ARMC8: variants seen among roughly 807,000 people sequenced by gnomAD.
The protein encoded by ARMC8 is armadillo repeat-containing protein 8.
ARMC8 carries 20 observed loss-of-function variants against 99.3 expected under a neutral mutation model. The observed-to-expected ratio is 0.20, with a 90% CI of 0.14 to 0.29. The LOEUF is 0.29. Among genes scored for constraint, ARMC8 ranks in the 10% least tolerant of loss-of-function variants. The pLI, the probability that ARMC8 is intolerant of heterozygous loss-of-function variation, is 1.00. For synonymous variants in ARMC8, 263 were observed against 278.3 expected (o/e 0.95, Z 0.55); for missense variants, 569 against 809.5 (o/e 0.70, Z 3.60).
Position 138,223,369 on chromosome 3 carries a change from A to C in ARMC8, c.195-20A>C. The C allele has an allele frequency of 6.2e-7, 1 of 1,611,470 alleles. No homozygotes were observed. Among genetic ancestry groups the C allele is most frequent in the East Asian group, 2.2e-5 (1 of 44,826 alleles). On this transcript the variant is annotated intron_variant, in intron 3 of 21. Transcript: ENST00000469044. ...TTTAAATTTTTTAGTCTCTTCGTTTATTAAGTTCCTTCTTTTTAGATTGTT... is the reference window on the plus strand; with the variant it reads ...TTTAAATTTTTTAGTCTCTTCGTTTCTTAAGTTCCTTCTTTTTAGATTGTT...
rs188192343 is a variant in ARMC8 at position 138,271,226 on chromosome 3, C to G, written c.1479+1094C>G. Reference sequence around the variant, plus strand: ...ACTTTGCACAGCTTTTAGCACTTCTCTTTCTTGAAACTCCTTCCCAGGACT... The same window carrying G: ...ACTTTGCACAGCTTTTAGCACTTCTGTTTCTTGAAACTCCTTCCCAGGACT... On this transcript the variant is annotated intron_variant, in intron 16 of 21. Coordinates refer to ENST00000469044, the MANE Select transcript of ARMC8 (RefSeq NM_001363941.2). 4.1e-4 allele frequency among the ~76,000 whole-genome samples: 63 copies of G among 152,282 alleles called. 1 individual carries two copies. The highest frequency in any genetic ancestry group is 1.3e-3 in the Admixed American group (20 of 15,300).
At chr3:138,289,763 A>G (rs1414891429) in intron 20 of ARMC8, among the ~76,000 whole-genome samples, 2 of 152,128 alleles carry the variant, frequency 1.3e-5, no homozygotes, top group African/African-American at 4.8e-5. Context: ...AGTGGGTCTC[A>G]AGGCTGGGTT....
At chr3:138,209,497 C>A (rs1209098261) in intron 1 of ARMC8, among the ~76,000 whole-genome samples, 1 of 152,136 alleles carries the variant, frequency 6.6e-6, no homozygotes, top group East Asian at 1.9e-4. Flanking sequence ...ATTTTCCAAA[C>A]TCTCCTGCTA....
chr3:138,218,153 C>T (rs879526847), intron 2 of ARMC8, among the ~76,000 whole-genome samples: 1 of 152,136 alleles, frequency 6.6e-6, no homozygotes, highest in Admixed American at 6.6e-5. Context: ...AGTCAAATAA[C>T]TAAAGAGACC....
At chr3:138,200,039 C>T (rs1479529611) in intron 1 of ARMC8, among the ~76,000 whole-genome samples, 4 of 152,186 alleles carry the variant, frequency 2.6e-5, no homozygotes, top group African/African-American at 9.7e-5. Context: ...CTATCAGACT[C>T]ACACACTCTG....
At position 138,267,139 on chromosome 3, in the gene ARMC8, T is replaced by G; in HGVS notation, c.1300-16T>G. ...TCATTCCAAATCATTAGTAGTATCC[T>G]TTTTTAATTCCATAGGTTTTACAAA... On this transcript the variant is annotated splice_polypyrimidine_tract_variant and intron_variant, in intron 14 of 21. Transcript: ENST00000469044. The G allele has an allele frequency of 1.4e-6, 2 of 1,420,626 alleles. No individual in the cohort carries two copies. Among genetic ancestry groups the G allele is most frequent in the Non-Finnish European group, 1.9e-6 (2 of 1,034,108 alleles). The allele number at this position is 1,420,626 out of a possible 1,614,324, so 88.0% of individuals were successfully genotyped here. A position where few individuals can be genotyped will look rare whatever the true frequency, so the allele number is the denominator to read the frequency against.
At chr3:138,262,336 T>C (rs902720991) in intron 12 of ARMC8, 2 of 601,054 alleles carry the variant, frequency 3.3e-6, no homozygotes, top group African/African-American at 1.9e-5. Context: ...GATCAATATG[T>C]AAATGTTTTG....
intron 12 of ARMC8, among the ~76,000 whole-genome samples, chr3:138,251,116 A>G (rs2047104297): frequency 6.6e-6 from 1 of 151,796 alleles, no homozygotes; most frequent in African/African-American, 2.4e-5. Context: ...ACACTGTCAC[A>G]CCACTGTACT....
chr3:138,220,237 CTT>C (rs2045317444), intron 2 of ARMC8, among the ~76,000 whole-genome samples: 1 of 152,220 alleles, frequency 6.6e-6, no homozygotes, highest in Non-Finnish European at 1.5e-5. Context: ...CTCTTACTAA[CTT>C]TAACTTTGCT....
intron 19 of ARMC8, among the ~76,000 whole-genome samples, chr3:138,285,477 C>T (rs1193965291): frequency 2.6e-5 from 4 of 152,182 alleles, no homozygotes; most frequent in Admixed American, 1.3e-4. Context: ...AAAAAGGCCA[C>T]GTTCTTTCCT....
intron 1 of ARMC8, among the ~76,000 whole-genome samples, chr3:138,201,485 CAG>C (rs1394328066): frequency 2.9e-5 from 2 of 68,376 alleles, no homozygotes; most frequent in Admixed American, 4.7e-4. Context: ...TTTCCTGAGA[CAG>C]AGTCTTGCTC....
rs1168728105 is a variant in ARMC8, at chr3:138,295,686, G to C, written c.1989-173G>C. Among the ~76,000 whole-genome samples the C allele has an allele frequency of 2.6e-5, 4 of 152,246 alleles. No homozygotes were observed. The East Asian group carries it at 7.7e-4, about 29-fold the overall frequency. ...AATATAGCCAGAGTAGATTTCAGGT[G>C]TCTACCCACTGCAGATCTCTTCCCC... On this transcript the variant is annotated intron_variant, in intron 21 of 21. Transcript: ENST00000469044.
At chr3:138,288,900 G>A (rs1577043973) in intron 19 of ARMC8, 148 bp from the exon 20 acceptor site, 1 of 603,722 alleles carries the variant, frequency 1.7e-6, no homozygotes. Context: ...GTCTCCCAAA[G>A]TGCTGGGATT....
At chr3:138,250,523 T>G (rs1186076027) in intron 12 of ARMC8, among the ~76,000 whole-genome samples, 1 of 152,170 alleles carries the variant, frequency 6.6e-6, no homozygotes, top group Non-Finnish European at 1.5e-5. Context: ...GTTTATAATT[T>G]TATTCTAAAA....
intron 1 of ARMC8, 79 bp from the exon 2 acceptor site, chr3:138,209,738 C>T (rs2044589798): frequency 8.5e-7 from 1 of 1,170,702 alleles, no homozygotes; most frequent in Admixed American, 1.8e-5. Flanking sequence ...ATTATCTAGT[C>T]ACTTGATATT....
intron 18 of ARMC8, among the ~76,000 whole-genome samples, chr3:138,283,986 C>A (rs567676170): frequency 2.0e-5 from 3 of 152,252 alleles, no homozygotes; most frequent in Non-Finnish European, 4.4e-5. Context: ...CAGGTGGAGG[C>A]CTAGGAAAGG....
intron 19 of ARMC8, among the ~76,000 whole-genome samples, chr3:138,287,375 A>G (rs922649109): frequency 6.6e-6 from 1 of 152,060 alleles, no homozygotes; most frequent in Non-Finnish European, 1.5e-5. Context: ...CCTATTCTTT[A>G]AGTCTCTGTT....
At chr3:138,190,431 C>A (rs2043319617) in intron 1 of ARMC8, among the ~76,000 whole-genome samples, 1 of 151,902 alleles carries the variant, frequency 6.6e-6, no homozygotes, top group African/African-American at 2.4e-5. Flanking sequence ...GGATTACAGG[C>A]ATCCACTACC....
intron 2 of ARMC8, among the ~76,000 whole-genome samples, chr3:138,219,037 G>A (rs1327693976): frequency 6.6e-6 from 1 of 152,112 alleles, no homozygotes; most frequent in Non-Finnish European, 1.5e-5. Context: ...AAAAACAGTT[G>A]GCATAAAAGA....
Sources: allele counts gnomAD v4.1 joint callset (sites outside exome capture counted in the v4.1 genomes callset), GRCh38; gene constraint gnomAD v4.1.1; transcripts MANE v1.5; gene names NCBI Gene and HGNC (gene_info 2026-07-23, HGNC 2026-07-21).